Variants in C10orf143 observed in about 807,000 individuals in gnomAD.
C10orf143 encodes the protein uncharacterized protein C10orf143.
At chr10:130,046,101 G>GCGGGGCGTGGGA (rs1207628130) in intron 3 of C10orf143, among the ~76,000 whole-genome samples, 1 of 151,620 alleles carries the variant, frequency 6.6e-6, no homozygotes, top group African/African-American at 2.4e-5. Flanking sequence ...TGGGGATGGG[G>GCGGGGCGTGGGA]CGGGGCGTGG....
intron 3 of C10orf143, among the ~76,000 whole-genome samples, chr10:130,055,952 TAAAAAAAA>T (rs369284797): frequency 1.5e-5 from 1 of 65,860 alleles, no homozygotes; most frequent in Non-Finnish European, 2.7e-5. Context: ...TCTCCAAAAG[TAAAAAAAA>T]AAAAAAAAAA....
intron 1 of C10orf143, among the ~76,000 whole-genome samples, chr10:130,080,850 C>T (rs1861195897): frequency 6.6e-6 from 1 of 152,066 alleles, no homozygotes; most frequent in Admixed American, 6.5e-5. Context: ...AGAAATGATG[C>T]ATTAAAAATG....
intron 3 of C10orf143, among the ~76,000 whole-genome samples, chr10:130,070,335 G>A (rs979733266): frequency 5.9e-5 from 9 of 152,170 alleles, no homozygotes; most frequent in Non-Finnish European, 1.2e-4. Context: ...CCCGGACCTG[G>A]TGCAGCCTGT....
chr10:130,103,477 G>A (rs145781831), intron 1 of C10orf143, among the ~76,000 whole-genome samples: 18 of 151,986 alleles, frequency 1.2e-4, no homozygotes, highest in Admixed American at 5.9e-4. Flanking sequence ...GTGACAGACC[G>A]AAACTCTGCC....
rs567526294 is a variant in C10orf143 at position 130,043,600 on chromosome 10, C to T, written c.298-7630G>A. On this transcript the variant is annotated intron_variant and NMD_transcript_variant, in intron 3 of 5. Coordinates refer to the C10orf143 transcript ENST00000643056. ...TCAACCATGGCACTCACGCCCAGAC[C>T]AAGGGGCAGGTTGGGGGAACAAACC... 8.5e-5 allele frequency among the ~76,000 whole-genome samples: 13 copies of T among 152,306 alleles called. No individual in the cohort carries two copies. In the East Asian group the frequency reaches 2.5e-3, roughly 29 times the overall value.
intron 3 of C10orf143, among the ~76,000 whole-genome samples, chr10:130,074,562 G>C (rs1861084710): frequency 6.6e-6 from 1 of 151,982 alleles, no homozygotes; most frequent in Non-Finnish European, 1.5e-5. Context: ...CTTGACACTC[G>C]GACCCGCCCT....
At chr10:130,045,980 T>G (rs542189149) in intron 3 of C10orf143, among the ~76,000 whole-genome samples, 4 of 150,138 alleles carry the variant, frequency 2.7e-5, no homozygotes, top group Admixed American at 2.6e-4. Context: ...GAGACCAGGG[T>G]GGGGCTCTGG....
At chr10:130,046,780 G>T (rs989685464) in intron 3 of C10orf143, among the ~76,000 whole-genome samples, 1 of 152,202 alleles carries the variant, frequency 6.6e-6, no homozygotes, top group Non-Finnish European at 1.5e-5. Context: ...ACCTGCACGC[G>T]GAGGTTCATT....
chr10:130,080,764 T>A (rs1861194448), intron 1 of C10orf143, among the ~76,000 whole-genome samples: 1 of 152,244 alleles, frequency 6.6e-6, no homozygotes, highest in Non-Finnish European at 1.5e-5. Flanking sequence ...TTATCCATAC[T>A]ACTATTATTT....
intron 1 of C10orf143, among the ~76,000 whole-genome samples, chr10:130,089,026 T>C (rs1861337866): frequency 6.6e-6 from 1 of 152,144 alleles, no homozygotes; most frequent in Non-Finnish European, 1.5e-5. Context: ...GAGCTTTCAG[T>C]CCACACTCTT....
chr10:130,106,470 A>G, intron 1 of C10orf143: 2 of 1,602,564 alleles, frequency 1.2e-6, no homozygotes, highest in Non-Finnish European at 8.5e-7. Flanking sequence ...TCTGAACTTG[A>G]GCATGAAATT....
At chr10:130,060,648 C>T (rs1860846046), downstream of C10orf143, among the ~76,000 whole-genome samples, 1 of 150,008 alleles carries the variant, frequency 6.7e-6, no homozygotes, top group Non-Finnish European at 1.5e-5. Context: ...ACGGTGAAAC[C>T]CCATCTCTAC....
intron 1 of C10orf143, among the ~76,000 whole-genome samples, chr10:130,082,396 A>G (rs1861223883): frequency 6.6e-6 from 1 of 152,094 alleles, no homozygotes; most frequent in Non-Finnish European, 1.5e-5. Flanking sequence ...ACACCATGAC[A>G]TGGTTTGGCT....
chr10:130,101,855 A>G (rs1564970376), intron 1 of C10orf143, among the ~76,000 whole-genome samples: 1 of 35,694 alleles, frequency 2.8e-5, no homozygotes. Flanking sequence ...GTCTCAAAAA[A>G]AAAAAAAACC....
At chr10:130,102,177 C>A (rs1171732) in intron 1 of C10orf143, among the ~76,000 whole-genome samples, 7 of 152,120 alleles carry the variant, frequency 4.6e-5, no homozygotes, top group Non-Finnish European at 2.9e-5. Flanking sequence ...TTGAGCCTTC[C>A]TTTATGGCCC....
chr10:130,063,443 T>C (rs1467729256), downstream of C10orf143, among the ~76,000 whole-genome samples: 1 of 152,248 alleles, frequency 6.6e-6, no homozygotes, highest in Non-Finnish European at 1.5e-5. Flanking sequence ...AACTGGCATT[T>C]TTTGATCGAG....
At chr10:130,052,772 G>A (rs1365360930) in intron 3 of C10orf143, among the ~76,000 whole-genome samples, 1 of 152,182 alleles carries the variant, frequency 6.6e-6, no homozygotes, top group Admixed American at 6.5e-5. Context: ...ACTCTTTCAT[G>A]GTCCTCTCAG....
chr10:130,055,494 A>G (rs1184664949), intron 3 of C10orf143, among the ~76,000 whole-genome samples: 1 of 152,250 alleles, frequency 6.6e-6, no homozygotes, highest in Non-Finnish European at 1.5e-5. Context: ...ATTTTCGATC[A>G]TCAACAACTT....
intron 1 of C10orf143, among the ~76,000 whole-genome samples, chr10:130,093,298 CTGGTCCTGAAT>C (rs1435606356): frequency 6.6e-6 from 1 of 152,206 alleles, no homozygotes; most frequent in East Asian, 1.9e-4. Context: ...ACTGAACAAC[CTGGTCCTGAAT>C]GACTAATAGG....
Sources: gnomAD v4.1 joint callset for allele counts (sites outside exome capture counted in the v4.1 genomes callset) on GRCh38, gnomAD v4.1.1 for gene constraint, MANE v1.5 for transcripts, NCBI Gene and HGNC (gene_info 2026-07-23, HGNC 2026-07-21) for gene names.